DENND1A: variants seen among roughly 807,000 people sequenced by gnomAD.
The protein encoded by DENND1A is DENN domain-containing protein 1A.
In DENND1A, 51 loss-of-function variants were observed where a neutral mutation model predicts 113.7. The ratio of observed to expected loss-of-function variants is 0.45; its 90% confidence interval spans 0.36 to 0.57. The LOEUF is 0.57. Ranked by LOEUF, DENND1A falls within the 20% of genes least tolerant of loss-of-function variation. DENND1A has a pLI of 0.00. For missense variants in DENND1A, 1,258 were observed against 1,395.9 expected (o/e 0.90, Z 1.57); for synonymous variants, 565 against 570.8 (o/e 0.99, Z 0.14).
chr9:123,625,257 T>C (rs1201613456), intron 10 of DENND1A, among the ~76,000 whole-genome samples: 2 of 152,236 alleles, frequency 1.3e-5, no homozygotes, highest in East Asian at 1.9e-4. Flanking sequence ...TAATAGTATC[T>C]GCCTTGCAGG....
intron 19 of DENND1A, among the ~76,000 whole-genome samples, chr9:123,432,311 G>C (rs1485652689): frequency 6.6e-6 from 1 of 152,216 alleles, no homozygotes; most frequent in African/African-American, 2.4e-5. Flanking sequence ...GCTAGCCTGG[G>C]CTCTGAAAAG....
chr9:123,614,443 C>T (rs1271521692), intron 10 of DENND1A, among the ~76,000 whole-genome samples: 3 of 152,206 alleles, frequency 2.0e-5, no homozygotes, highest in East Asian at 3.8e-4. Flanking sequence ...ACTAACGATC[C>T]TGTAGTCCTT....
chr9:123,792,131 C>G (rs967059968), intron 3 of DENND1A, among the ~76,000 whole-genome samples: 1 of 152,198 alleles, frequency 6.6e-6, no homozygotes, highest in Non-Finnish European at 1.5e-5. Flanking sequence ...CATTTCTGCA[C>G]GTGCATCTTC....
chr9:123,770,596 A>C (rs192050303), intron 3 of DENND1A, among the ~76,000 whole-genome samples: 178 of 152,340 alleles, frequency 1.2e-3, no homozygotes, highest in African/African-American at 4.2e-3. Flanking sequence ...ATAAGTTCAT[A>C]GACCAATGTT....
intron 8 of DENND1A, among the ~76,000 whole-genome samples, chr9:123,658,367 CT>C (rs1439350748): frequency 3.3e-5 from 5 of 151,892 alleles, no homozygotes; most frequent in Non-Finnish European, 5.9e-5. Flanking sequence ...TGATCTGTGA[CT>C]TTTTTTTAAA....
At chr9:123,694,792 GT>G (rs2065405605) in intron 5 of DENND1A, among the ~76,000 whole-genome samples, 1 of 152,116 alleles carries the variant, frequency 6.6e-6, no homozygotes, top group South Asian at 2.1e-4. Flanking sequence ...GCACACTTTG[GT>G]ATCTACTCGG....
chr9:123,425,739 T>A (rs1469927295), intron 19 of DENND1A, among the ~76,000 whole-genome samples: 1 of 152,148 alleles, frequency 6.6e-6, no homozygotes, highest in Non-Finnish European at 1.5e-5. Context: ...CAAGCCAGCA[T>A]AGGGACAGTG....
chr9:123,847,811 T>G (rs1468160526), intron 2 of DENND1A, among the ~76,000 whole-genome samples: 2 of 152,160 alleles, frequency 1.3e-5, no homozygotes, highest in Non-Finnish European at 2.9e-5. Context: ...GGCATGCACC[T>G]GTAATCCCAG....
At chr9:123,647,363 G>A (rs2062394001) in intron 9 of DENND1A, among the ~76,000 whole-genome samples, 1 of 152,146 alleles carries the variant, frequency 6.6e-6, no homozygotes, top group African/African-American at 2.4e-5. Flanking sequence ...ACCTCTGTTC[G>A]ATTACAAGGT....
At chr9:123,538,805 CAT>C (rs1169598985) in intron 13 of DENND1A, among the ~76,000 whole-genome samples, 2 of 50,088 alleles carry the variant, frequency 4.0e-5, no homozygotes, top group African/African-American at 9.0e-5. Context: ...GGTGACAACT[CAT>C]ACATATATAT....
intron 2 of DENND1A, among the ~76,000 whole-genome samples, chr9:123,828,866 G>C (rs1433667500): frequency 6.6e-6 from 1 of 152,168 alleles, no homozygotes; most frequent in Non-Finnish European, 1.5e-5. Context: ...CTAAAACTCT[G>C]AGTTCCCAAA....
At chr9:123,836,408 C>T (rs1841058620) in intron 2 of DENND1A, among the ~76,000 whole-genome samples, 1 of 152,062 alleles carries the variant, frequency 6.6e-6, no homozygotes, top group Non-Finnish European at 1.5e-5. Context: ...ATTTTATTCA[C>T]CAGACTTGGC....
At chr9:123,588,633 A>AGGGGGGG (rs1290448078) in intron 11 of DENND1A, among the ~76,000 whole-genome samples, 14 of 86,414 alleles carry the variant, frequency 1.6e-4, no homozygotes, top group Non-Finnish European at 3.0e-4. Flanking sequence ...AAAAAAAAAA[A>AGGGGGGG]GGGGGGGGGG....
intron 5 of DENND1A, among the ~76,000 whole-genome samples, chr9:123,693,804 A>ATAT (rs72061275): frequency 0.14 from 19,087 of 140,050 alleles, 1,496 homozygotes; most frequent in African/African-American, 0.2. Flanking sequence ...TTCATTAGCT[A>ATAT]TATTATTATT....
In DENND1A at chr9:123,382,607, T is replaced by A. The variant is rs1216449185; in HGVS notation, c.2038A>T (p.Ser680Cys). ...ACTGTCACCCCGCGGCTCCTCTCACTCCCGCCCAGATCCAGCCTCTGTTGG... is the reference window on the plus strand; with the variant it reads ...ACTGTCACCCCGCGGCTCCTCTCACACCCGCCCAGATCCAGCCTCTGTTGG... ...FDYQRLDLGG[S>C]ERSRGVTVAL... Residue 680 changes from serine (S) to cysteine (C), a missense_variant, in exon 24 of 24, where the codon AGT becomes TGT. Transcript: ENST00000394215. 1.2e-6 allele frequency: 2 copies of A among 1,613,668 alleles called. No homozygotes were observed. Among genetic ancestry groups the A allele is most frequent in the African/African-American group, 2.7e-5 (2 of 74,876 alleles).
intron 5 of DENND1A, among the ~76,000 whole-genome samples, chr9:123,712,191 T>C (rs1387830695): frequency 6.6e-6 from 1 of 152,222 alleles, no homozygotes; most frequent in Non-Finnish European, 1.5e-5. Flanking sequence ...TACATGACTA[T>C]TCCATATCTA....
At chr9:123,696,929 T>G (rs966997683) in intron 5 of DENND1A, among the ~76,000 whole-genome samples, 1 of 152,212 alleles carries the variant, frequency 6.6e-6, no homozygotes, top group Non-Finnish European at 1.5e-5. Flanking sequence ...CCAGTATTCT[T>G]TGTTGATCAC....
chr9:123,828,371 A>G (rs1839687937), intron 2 of DENND1A, among the ~76,000 whole-genome samples: 1 of 152,122 alleles, frequency 6.6e-6, no homozygotes, highest in Non-Finnish European at 1.5e-5. Context: ...GAAAAAGAGA[A>G]GGGAGAGTAA....
At chr9:123,695,588 T>C (rs1012088433) in intron 5 of DENND1A, among the ~76,000 whole-genome samples, 2 of 152,154 alleles carry the variant, frequency 1.3e-5, no homozygotes, top group Non-Finnish European at 2.9e-5. Context: ...GTGAGGTCCT[T>C]TGCTGGGTCC....
Sources: allele counts gnomAD v4.1 joint callset (sites outside exome capture counted in the v4.1 genomes callset), GRCh38; gene constraint gnomAD v4.1.1; transcripts MANE v1.5; gene names NCBI Gene and HGNC (gene_info 2026-07-23, HGNC 2026-07-21).